Variants in ANKRD36C observed in about 807,000 individuals in gnomAD.
The protein encoded by ANKRD36C is ankyrin repeat domain 36C.
Under a neutral mutation model 276.4 loss-of-function variants are expected in ANKRD36C, and 61 were observed. The observed-to-expected ratio is 0.22, with a 90% CI of 0.18 to 0.27. ANKRD36C has a LOEUF of 0.27. Ranked by LOEUF, ANKRD36C falls within the 10% of genes least tolerant of loss-of-function variation. The pLI is 1.00. For missense variants in ANKRD36C, 1,447 were observed against 2,032.3 expected (o/e 0.71, Z 5.54); for synonymous variants, 483 against 680.1 (o/e 0.71, Z 4.51).
rs1158365405 is a variant in ANKRD36C at position 95,948,376 on chromosome 2, A to AC, written c.1362+153dup. Among the ~76,000 whole-genome samples the AC allele has an allele frequency of 3.9e-5, 6 of 152,322 alleles. No individual in the cohort carries two copies. In the East Asian group the frequency reaches 5.8e-4, roughly 15 times the overall value. ...GCAAAGTAAAAAAAAATTAAAATTA[A>AC]CCCCCCCTATTTCTTTAAAATGGTT... On this transcript the variant is annotated intron_variant, in intron 17 of 66. Coordinates refer to ENST00000456556, the Ensembl canonical transcript of ANKRD36C.
In ANKRD36C at chr2:95,873,469, C is replaced by G. The variant is rs918444165; in HGVS notation, c.3540+2970G>C. Among the ~76,000 whole-genome samples, 286 of 152,220 alleles carry G rather than the reference C, an allele frequency of 1.9e-3. 1 individual carries two copies. Among genetic ancestry groups the G allele is most frequent in the Non-Finnish European group, 3.0e-3 (206 of 68,010 alleles). The stretch of plus-strand genomic sequence containing the variant: ...AAGGCCTTTGACAAAATTCAACAAC[C>G]CTTCATGCTAAAAACTCTCAATAAA... On this transcript the variant is annotated intron_variant, in intron 59 of 66. Transcript: ENST00000456556.
chr2:95,973,933 A>G (rs983392670), intron 6 of ANKRD36C, among the ~76,000 whole-genome samples: 2 of 151,986 alleles, frequency 1.3e-5, no homozygotes, highest in African/African-American at 2.4e-5. Context: ...TTGTAGCAGT[A>G]TCAGCGACTT....
intron 59 of ANKRD36C, among the ~76,000 whole-genome samples, chr2:95,870,670 A>C (rs556872263): frequency 2.4e-4 from 36 of 152,352 alleles, no homozygotes; most frequent in African/African-American, 8.7e-4. Context: ...ACGGAGAATG[A>C]CTTTGACGAG....
intron 6 of ANKRD36C, among the ~76,000 whole-genome samples, chr2:95,965,062 G>GACA (rs1678559449): frequency 6.6e-6 from 1 of 151,870 alleles, no homozygotes; most frequent in Non-Finnish European, 1.5e-5. Context: ...GAAGAATGGT[G>GACA]TAATTTTTTG....
At chr2:95,965,788 T>C (rs752981093) in intron 6 of ANKRD36C, among the ~76,000 whole-genome samples, 11 of 152,152 alleles carry the variant, frequency 7.2e-5, no homozygotes, top group Non-Finnish European at 1.5e-4. Context: ...CTGATATATA[T>C]ATATATCACT....
At chr2:95,968,404 A>G (rs568035344) in intron 6 of ANKRD36C, among the ~76,000 whole-genome samples, 2 of 152,190 alleles carry the variant, frequency 1.3e-5, no homozygotes, top group Non-Finnish European at 2.9e-5. Context: ...GAATCCTATC[A>G]CACTGACAGA....
chr2:95,930,353 C>A (rs1677531132), intron 24 of ANKRD36C, among the ~76,000 whole-genome samples: 1 of 151,426 alleles, frequency 6.6e-6, no homozygotes, highest in Non-Finnish European at 1.5e-5. Context: ...GTTCCTGGAG[C>A]AGCCAAAAAT....
At chr2:95,975,441 T>TCA (rs1678789937) in intron 6 of ANKRD36C, among the ~76,000 whole-genome samples, 2 of 152,054 alleles carry the variant, frequency 1.3e-5, no homozygotes. Context: ...TATAGACCAA[T>TCA]GGAACAGAAC....
chr2:95,919,374 C>T lies in ANKRD36C; in HGVS notation c.2246-1332G>A, dbSNP rs368172470. Among the ~76,000 whole-genome samples, 66 of 133,348 alleles carry T rather than the reference C, an allele frequency of 4.9e-4. 8 individuals carry two copies. Among genetic ancestry groups the T allele is most frequent in the African/African-American group, 8.1e-4 (32 of 39,554 alleles). 87.5% of individuals were successfully genotyped at this position (133,348 alleles called of 152,430 possible). On this transcript the variant is annotated intron_variant, in intron 34 of 66. Transcript: ENST00000456556. ...GTCTTTTCTTAGCAGTACGATGTGA[C>T]GTCTGTAAAATCTGTACTTCCTCTC...
intron 61 of ANKRD36C, among the ~76,000 whole-genome samples, chr2:95,858,816 A>C (rs1573721056): frequency 6.6e-6 from 1 of 152,126 alleles, no homozygotes. Context: ...CTTTCAGTCT[A>C]TCCTGCTGAT....
chr2:95,976,031 C>T (rs1288315937), intron 6 of ANKRD36C, among the ~76,000 whole-genome samples: 1 of 152,170 alleles, frequency 6.6e-6, no homozygotes, highest in Non-Finnish European at 1.5e-5. Context: ...TGAAAAAATG[C>T]TCATCATCAC....
At chr2:95,959,782 CAT>C (rs1337016389) in intron 10 of ANKRD36C, among the ~76,000 whole-genome samples, 1 of 152,196 alleles carries the variant, frequency 6.6e-6, no homozygotes, top group Admixed American at 6.6e-5. Context: ...AACAACAAAA[CAT>C]ATATCTCTGA....
intron 42 of ANKRD36C, 38 bp from the exon 54 acceptor site, chr2:95,902,996 G>T: frequency 1.3e-6 from 2 of 1,573,426 alleles, no homozygotes; most frequent in Non-Finnish European, 1.7e-6. Context: ...AATTAATAAA[G>T]TATGCTTCAT....
chr2:95,883,128 T>C (rs976301746), intron 54 of ANKRD36C, among the ~76,000 whole-genome samples: 3 of 152,076 alleles, frequency 2.0e-5, no homozygotes, highest in Non-Finnish European at 4.4e-5. Flanking sequence ...CTCTAGTTTA[T>C]GCTACAGAAA....
chr2:95,938,758 CA>C, intron 22 of ANKRD36C, 70 bp downstream of exon 22: 1 of 1,531,284 alleles, frequency 6.5e-7, no homozygotes, highest in Non-Finnish European at 8.7e-7. Context: ...AAGTGGGAAT[CA>C]AAAAACTACG....
intron 6 of ANKRD36C, 78 bp from the exon 7 acceptor site, chr2:95,962,625 T>C: frequency 6.5e-7 from 1 of 1,539,528 alleles, no homozygotes; most frequent in Non-Finnish European, 8.8e-7. Flanking sequence ...ACTGTTACCA[T>C]CAAGCTGTAT....
At chr2:95,980,154 T>C (rs368642901) in intron 5 of ANKRD36C, among the ~76,000 whole-genome samples, 1 of 152,048 alleles carries the variant, frequency 6.6e-6, no homozygotes, top group Non-Finnish European at 1.5e-5. Flanking sequence ...GATTAGAATG[T>C]CCTTTCCCCT....
rs1366839132 is a variant in ANKRD36C, at chr2:95,909,366, A to G, written c.2653+2878T>C. Reference sequence around the variant, plus strand: ...CTTCATCCAGTCGTGGCAACAAAGGATAATATATTAGCCTCAATAAAAATA... The same window carrying G: ...CTTCATCCAGTCGTGGCAACAAAGGGTAATATATTAGCCTCAATAAAAATA... On this transcript the variant is annotated intron_variant, in intron 42 of 66. Coordinates refer to ENST00000456556, the Ensembl canonical transcript of ANKRD36C. Among the ~76,000 whole-genome samples, 111 of 70,652 alleles carry G rather than the reference A, an allele frequency of 1.6e-3. 1 individual carries two copies. The highest frequency in any genetic ancestry group is 2.2e-3 in the Non-Finnish European group (80 of 36,080). The allele number at this position is 70,652 out of a possible 152,430, so 46.4% of individuals were successfully genotyped here.
intron 26 of ANKRD36C, among the ~76,000 whole-genome samples, chr2:95,928,461 C>T (rs1248076943): frequency 2.0e-5 from 3 of 151,566 alleles, no homozygotes; most frequent in Non-Finnish European, 3.0e-5. Flanking sequence ...CTCTTTCCTG[C>T]TTCCAGTAGT....
Sources: gnomAD v4.1 joint callset for allele counts (sites outside exome capture counted in the v4.1 genomes callset) on GRCh38, gnomAD v4.1.1 for gene constraint, MANE v1.5 for transcripts, NCBI Gene and HGNC (gene_info 2026-07-23, HGNC 2026-07-21) for gene names.